HMCN1: variants seen among roughly 807,000 people sequenced by gnomAD.
The protein encoded by HMCN1 is hemicentin-1.
Under a neutral mutation model 625.9 loss-of-function variants are expected in HMCN1, and 321 were observed. That is an observed-to-expected ratio of 0.51 (90% CI 0.47 to 0.56). HMCN1 has a LOEUF of 0.56. Among genes scored for constraint, HMCN1 ranks in the 20% least tolerant of loss-of-function variants. The pLI, the probability that HMCN1 is intolerant of heterozygous loss-of-function variation, is 0.00. For missense variants in HMCN1, 6,588 were observed against 6,887.3 expected (o/e 0.96, Z 1.54); for synonymous variants, 2,425 against 2,417.6 (o/e 1.00, Z -0.09).
intron 93 of HMCN1, among the ~76,000 whole-genome samples, chr1:186,149,188 C>T (rs1054174403): frequency 6.6e-6 from 1 of 152,146 alleles, no homozygotes; most frequent in Non-Finnish European, 1.5e-5. Flanking sequence ...GCTTTGAAGC[C>T]AGGCATTGAT....
rs373568706 is a variant in HMCN1 at position 186,132,386 on chromosome 1, G to A, written c.13289G>A (p.Arg4430His). The change falls in exon 86 of 107, where the codon CGC becomes CAC. Residue 4430 changes from arginine (R) to histidine (H), a missense_variant. By Grantham distance (29) the Arg-to-His change is conservative. Coordinates refer to ENST00000271588, the MANE Select transcript of HMCN1 (RefSeq NM_031935.3). Reference protein sequence around the residue: ...VATNEAGVVERSMSLTLQSPP... With the variant: ...VATNEAGVVEHSMSLTLQSPP... ...ACCAATGAAGCTGGGGTGGTGGAGCGCAGCATGAGTCTGACTCTGCAAAGT... is the reference window on the plus strand; with the variant it reads ...ACCAATGAAGCTGGGGTGGTGGAGCACAGCATGAGTCTGACTCTGCAAAGT... The A allele has an allele frequency of 2.4e-5, 39 of 1,611,846 alleles. No individual in the cohort carries two copies. Among genetic ancestry groups the A allele is most frequent in the African/African-American group, 4.0e-5 (3 of 74,834 alleles).
intron 6 of HMCN1, among the ~76,000 whole-genome samples, chr1:185,913,603 G>A (rs1016617113): frequency 4.6e-5 from 7 of 152,044 alleles, no homozygotes; most frequent in African/African-American, 2.4e-5. Flanking sequence ...TGTGAAATAC[G>A]TGCACGTGAG....
At chr1:186,051,145 A>G (rs970946572) in intron 42 of HMCN1, among the ~76,000 whole-genome samples, 2 of 152,120 alleles carry the variant, frequency 1.3e-5, no homozygotes, top group African/African-American at 4.8e-5. Context: ...GGCATATTGA[A>G]GAAGGCCTCT....
chr1:185,926,297 T>C (rs998796798), intron 9 of HMCN1, among the ~76,000 whole-genome samples: 4 of 152,144 alleles, frequency 2.6e-5, no homozygotes, highest in African/African-American at 9.7e-5. Flanking sequence ...TAATCAAAAA[T>C]TTATGGCAGG....
Position 185,970,427 on chromosome 1 carries a change from G to A in HMCN1, c.2305G>A (p.Asp769Asn), listed in dbSNP as rs759786743. The A allele has an allele frequency of 5.0e-6, 8 of 1,613,546 alleles. No homozygotes were observed. The highest frequency in any genetic ancestry group is 2.2e-5 in the East Asian group (1 of 44,874). ...AGAAACACAAGATCTGGATGCTGGC[G>A]ATTATACCTGTGTAGCCATCAATGA... is the stretch of plus-strand genomic sequence containing the variant. ...IQETQDLDAG[D>N]YTCVAINEAG... Residue 769 changes from aspartate to asparagine, a missense_variant, in exon 15 of 107, where the codon GAT becomes AAT. Around this residue, in one of 3 missense-constraint regions of HMCN1, gnomAD observed 4,628 missense variants for 4,853.1 expected, o/e 0.95. Transcript: ENST00000271588.
chr1:185,874,408 G>A (rs1444186552), intron 4 of HMCN1, among the ~76,000 whole-genome samples: 4 of 151,986 alleles, frequency 2.6e-5, no homozygotes. Flanking sequence ...TTTTATTTGA[G>A]AAATTTCCTT....
chr1:186,080,874 C>T (rs1044092318), intron 55 of HMCN1, among the ~76,000 whole-genome samples: 21 of 152,082 alleles, frequency 1.4e-4, no homozygotes, highest in Non-Finnish European at 2.2e-4. Flanking sequence ...TCTTATATGT[C>T]TGCTTGAAAA....
intron 46 of HMCN1, among the ~76,000 whole-genome samples, chr1:186,059,553 G>A (rs1359917949): frequency 6.6e-6 from 1 of 152,070 alleles, no homozygotes; most frequent in East Asian, 1.9e-4. Flanking sequence ...TGCTGCCAAA[G>A]GAGTTATTCA....
At chr1:185,792,038 C>A (rs1658039392) in intron 1 of HMCN1, among the ~76,000 whole-genome samples, 1 of 152,048 alleles carries the variant, frequency 6.6e-6, no homozygotes, top group Admixed American at 6.6e-5. Flanking sequence ...ATAAATGAGA[C>A]AATAAATCTT....
At chr1:185,877,397 G>A (rs1439903855) in intron 4 of HMCN1, among the ~76,000 whole-genome samples, 1 of 119,444 alleles carries the variant, frequency 8.4e-6, no homozygotes, top group Non-Finnish European at 1.7e-5. Flanking sequence ...GTCAGGTAAT[G>A]TGATGCCTCT....
intron 68 of HMCN1, among the ~76,000 whole-genome samples, chr1:186,096,799 C>A (rs1341921828): frequency 6.6e-6 from 1 of 152,074 alleles, no homozygotes; most frequent in East Asian, 1.9e-4. Context: ...ATCATATGAT[C>A]ATTTCAATAG....
At chr1:185,869,341 G>A (rs888613523) in intron 4 of HMCN1, among the ~76,000 whole-genome samples, 17 of 152,130 alleles carry the variant, frequency 1.1e-4, no homozygotes, top group African/African-American at 4.1e-4. Context: ...TCAGAAATTT[G>A]CTCTGAGGTT....
chr1:185,934,013 A>C (rs964170109), intron 11 of HMCN1, among the ~76,000 whole-genome samples, 189 bp downstream of exon 11: 3 of 152,208 alleles, frequency 2.0e-5, no homozygotes, highest in Non-Finnish European at 4.4e-5. Flanking sequence ...TGTCACTAAC[A>C]AATAGGTAAC....
intron 10 of HMCN1, among the ~76,000 whole-genome samples, chr1:185,929,564 C>G (rs1428808485): frequency 6.6e-6 from 1 of 152,092 alleles, no homozygotes; most frequent in African/African-American, 2.4e-5. Context: ...CTATTCTGAC[C>G]TATATATTGC....
chr1:186,005,624 G>A (rs1282733813), intron 29 of HMCN1, among the ~76,000 whole-genome samples: 2 of 151,838 alleles, frequency 1.3e-5, no homozygotes, highest in Non-Finnish European at 1.5e-5. Context: ...AAACAAAAAT[G>A]TTCATAAATG....
At chr1:185,955,131 T>A (rs945506088) in intron 11 of HMCN1, among the ~76,000 whole-genome samples, 2 of 152,168 alleles carry the variant, frequency 1.3e-5, no homozygotes, top group East Asian at 1.9e-4. Context: ...GCTATTAGAA[T>A]CCTCTTTTTA....
At chr1:186,079,538 C>T (rs1659042426) in intron 55 of HMCN1, among the ~76,000 whole-genome samples, 1 of 152,256 alleles carries the variant, frequency 6.6e-6, no homozygotes, top group Admixed American at 6.5e-5. Flanking sequence ...GAGTTGTGTG[C>T]CTGCGCATCA....
chr1:185,887,310 A>AGC (rs1558040584), intron 4 of HMCN1, among the ~76,000 whole-genome samples: 24 of 151,940 alleles, frequency 1.6e-4, no homozygotes, highest in African/African-American at 5.1e-4. Flanking sequence ...TTATTTATTT[A>AGC]TTTTTTATTA....
At chr1:186,187,764 T>G (rs1332793450) in intron 105 of HMCN1, 119 bp from the exon 106 acceptor site, 19 of 1,331,462 alleles carry the variant, frequency 1.4e-5, no homozygotes, top group African/African-American at 2.9e-5. Flanking sequence ...ATGACTAAGT[T>G]CATTCATGGC....
Sources: allele counts gnomAD v4.1 joint callset (sites outside exome capture counted in the v4.1 genomes callset), GRCh38; gene constraint gnomAD v4.1.1; regional missense constraint gnomAD v4.1.1; transcripts MANE v1.5; gene names NCBI Gene and HGNC (gene_info 2026-07-23, HGNC 2026-07-21).